The following CNTNAP2 variants were observed in gnomAD, a reference collection of about 807,000 sequenced individuals.
CNTNAP2 encodes the protein contactin associated protein 2.
CNTNAP2 carries 98 observed loss-of-function variants against 155.2 expected under a neutral mutation model. The ratio of observed to expected loss-of-function variants is 0.63; its 90% CI spans 0.54 to 0.75. CNTNAP2 has a LOEUF of 0.75. Among genes scored for constraint, CNTNAP2 ranks in the 30% least tolerant of loss-of-function variants. The probability of loss-of-function intolerance (pLI) is 0.00; values close to 1 mark genes in which losing one functional copy is unlikely to be tolerated. For missense variants in CNTNAP2, 1,727 were observed against 1,688.1 expected (o/e 1.02, Z -0.40); for synonymous variants, 651 against 631.2 (o/e 1.03, Z -0.47).
intron 3 of CNTNAP2, among the ~76,000 whole-genome samples, chr7:146,898,614 C>T (rs1795928700): frequency 6.6e-6 from 1 of 151,842 alleles, no homozygotes; most frequent in Admixed American, 6.6e-5. Context: ...TAACCGCAAG[C>T]TGTATTGAAA....
chr7:146,154,096 T>C (rs1584775808), intron 1 of CNTNAP2, among the ~76,000 whole-genome samples: 1 of 152,156 alleles, frequency 6.6e-6, no homozygotes, highest in Non-Finnish European at 1.5e-5. Flanking sequence ...CATTAGTTTA[T>C]AGAGACTGTG....
At chr7:146,246,462 C>T (rs10267368) in intron 1 of CNTNAP2, among the ~76,000 whole-genome samples, 61,012 of 146,502 alleles carry the variant, frequency 0.42, 14,056 homozygotes, top group African/African-American at 0.6. Flanking sequence ...GAAGCCTGGC[C>T]GTCAATACCC....
intron 3 of CNTNAP2, among the ~76,000 whole-genome samples, chr7:147,009,559 G>A (rs1210473121): frequency 1.3e-5 from 2 of 152,220 alleles, no homozygotes; most frequent in Middle Eastern, 3.4e-3. Context: ...GACTTTTCAA[G>A]CTGTTTATTT....
At chr7:147,294,889 A>G (rs907631044) in intron 8 of CNTNAP2, among the ~76,000 whole-genome samples, 1 of 151,930 alleles carries the variant, frequency 6.6e-6, no homozygotes, top group South Asian at 2.1e-4. Context: ...CAAACTCCTG[A>G]CCTCAGGTAA....
chr7:147,517,859 T>G (rs1041080670), intron 11 of CNTNAP2, among the ~76,000 whole-genome samples: 6 of 152,202 alleles, frequency 3.9e-5, no homozygotes, highest in Admixed American at 2.0e-4. Context: ...GAAAAATATT[T>G]TTATGAAGAT....
At chr7:148,411,156 G>A (rs1351416089) in intron 23 of CNTNAP2, among the ~76,000 whole-genome samples, 1 of 152,106 alleles carries the variant, frequency 6.6e-6, no homozygotes, top group Non-Finnish European at 1.5e-5. Context: ...GATCGATATT[G>A]ACATCCCTGT....
intron 13 of CNTNAP2, among the ~76,000 whole-genome samples, chr7:147,829,855 A>AG (rs904374724): frequency 9.2e-5 from 14 of 151,984 alleles, no homozygotes; most frequent in African/African-American, 3.1e-4. Context: ...CAGAGCAGCG[A>AG]GGGGGGCCAC....
chr7:147,110,371 T>TA (rs1016809099), intron 5 of CNTNAP2, among the ~76,000 whole-genome samples: 1 of 152,104 alleles, frequency 6.6e-6, no homozygotes, highest in Non-Finnish European at 1.5e-5. Flanking sequence ...TTTCTTTTTT[T>TA]TTTTTAAATT....
At chr7:146,987,299 C>T (rs888853464) in intron 3 of CNTNAP2, among the ~76,000 whole-genome samples, 2 of 152,060 alleles carry the variant, frequency 1.3e-5, no homozygotes, top group Non-Finnish European at 2.9e-5. Flanking sequence ...AATTTTTGAA[C>T]TACTTTATTT....
chr7:146,943,694 C>T (rs1465219305), intron 3 of CNTNAP2, among the ~76,000 whole-genome samples: 2 of 152,168 alleles, frequency 1.3e-5, no homozygotes, highest in African/African-American at 2.4e-5. Flanking sequence ...TGACTTTTCT[C>T]TGCTTCTTGG....
intron 13 of CNTNAP2, among the ~76,000 whole-genome samples, chr7:147,742,093 T>C (rs1236120307): frequency 2.6e-5 from 4 of 152,136 alleles, no homozygotes; most frequent in African/African-American, 9.7e-5. Flanking sequence ...GTGAGACTTA[T>C]TCACTATCAC....
At chr7:148,374,979 C>T (rs1476174924) in intron 21 of CNTNAP2, among the ~76,000 whole-genome samples, 2 of 152,096 alleles carry the variant, frequency 1.3e-5, no homozygotes, top group African/African-American at 2.4e-5. Flanking sequence ...TTATTCTTAG[C>T]CCTAAAAAAT....
chr7:147,051,287 A>G (rs1021381595), intron 4 of CNTNAP2, among the ~76,000 whole-genome samples: 2 of 151,634 alleles, frequency 1.3e-5, no homozygotes, highest in African/African-American at 4.8e-5. Context: ...GTGTGTTCCT[A>G]CTTAAATTAG....
At chr7:147,866,512 A>G (rs559757941) in intron 13 of CNTNAP2, among the ~76,000 whole-genome samples, 238 of 152,320 alleles carry the variant, frequency 1.6e-3, no homozygotes, top group African/African-American at 5.4e-3. Flanking sequence ...TAATATTGAC[A>G]GTAGGGTGTT....
rs888526584 is a variant in CNTNAP2, at chr7:147,313,583, C to T, written c.1498+13293C>T. On this transcript the variant is annotated intron_variant, in intron 9 of 23. Transcript: ENST00000361727. ...AGATCAGATAGTTGTAGATATGCAGCGTTATTTCTGAGGGCTCTGTTCTGT... is the reference window on the plus strand; with the variant it reads ...AGATCAGATAGTTGTAGATATGCAGTGTTATTTCTGAGGGCTCTGTTCTGT... 1.3e-4 allele frequency among the ~76,000 whole-genome samples: 20 copies of T among 148,568 alleles called. 1 individual carries two copies. Among genetic ancestry groups the T allele is most frequent in the Admixed American group, 4.7e-4 (7 of 14,922 alleles).
chr7:147,016,088 A>G (rs12703876), intron 3 of CNTNAP2, among the ~76,000 whole-genome samples: 15,295 of 152,026 alleles, frequency 0.1, 848 homozygotes, highest in Middle Eastern at 0.16. Flanking sequence ...AAATTTGATA[A>G]TTTTCTATCT....
At chr7:147,517,162 GC>G (rs1281807362) in intron 11 of CNTNAP2, among the ~76,000 whole-genome samples, 1 of 151,906 alleles carries the variant, frequency 6.6e-6, no homozygotes, top group Non-Finnish European at 1.5e-5. Flanking sequence ...CAGCCACCAT[GC>G]CCCACCAAGA....
chr7:147,063,473 T>C (rs1799721647), intron 4 of CNTNAP2, among the ~76,000 whole-genome samples: 1 of 152,098 alleles, frequency 6.6e-6, no homozygotes, highest in African/African-American at 2.4e-5. Flanking sequence ...ATAGATGCAT[T>C]TTTAAGGGAG....
chr7:147,511,573 A>C (rs184065920), intron 11 of CNTNAP2, among the ~76,000 whole-genome samples: 1 of 151,838 alleles, frequency 6.6e-6, no homozygotes, highest in African/African-American at 2.4e-5. Context: ...TTTTATGTGT[A>C]CATAATGTTT....
Sources: allele counts gnomAD v4.1 joint callset (sites outside exome capture counted in the v4.1 genomes callset), GRCh38; gene constraint gnomAD v4.1.1; transcripts MANE v1.5; gene names NCBI Gene and HGNC (gene_info 2026-07-23, HGNC 2026-07-21).